The following COMMD1 variants were observed in gnomAD, a reference collection of about 807,000 sequenced individuals.
COMMD1 encodes copper metabolism domain containing 1.
In COMMD1, 10 loss-of-function variants were observed where a neutral mutation model predicts 17.2. The ratio of observed to expected loss-of-function variants is 0.58; its 90% CI spans 0.36 to 0.99. The LOEUF is 0.99. COMMD1 is among the 50% of genes least tolerant of loss of function. The pLI, the probability that COMMD1 is intolerant of heterozygous loss-of-function variation, is 0.01. For synonymous variants in COMMD1, 97 were observed against 91.6 expected (o/e 1.06, Z -0.34); for missense variants, 270 against 231.8 (o/e 1.17, Z -1.07).
upstream of COMMD1, among the ~76,000 whole-genome samples, chr2:61,904,005 A>G (rs1009940079): frequency 5.3e-5 from 8 of 152,060 alleles, no homozygotes; most frequent in African/African-American, 1.9e-4. Flanking sequence ...ACAATGTATT[A>G]TTATTATTAT....
At chr2:62,001,983 C>T (rs960780538) in intron 2 of COMMD1, among the ~76,000 whole-genome samples, 1 of 151,886 alleles carries the variant, frequency 6.6e-6, no homozygotes, top group Non-Finnish European at 1.5e-5. Flanking sequence ...ACCTGACCAA[C>T]AGAGACCAGA....
At chr2:61,950,592 A>G (rs1008392011) in intron 1 of COMMD1, among the ~76,000 whole-genome samples, 2 of 152,176 alleles carry the variant, frequency 1.3e-5, no homozygotes, top group Non-Finnish European at 1.5e-5. Context: ...TTTTCGCTTA[A>G]AGGAAGCACT....
At chr2:61,936,294 C>A (rs749840656) in intron 1 of COMMD1, among the ~76,000 whole-genome samples, 34 of 152,014 alleles carry the variant, frequency 2.2e-4, no homozygotes, top group Non-Finnish European at 3.7e-4. Context: ...CTTTATAATT[C>A]TTTCTATGGG....
At chr2:61,891,653 G>A (rs374003030) in intron 1 of COMMD1, among the ~76,000 whole-genome samples, 3 of 151,704 alleles carry the variant, frequency 2.0e-5, no homozygotes, top group African/African-American at 2.4e-5. Context: ...ACTTGAACTC[G>A]GGAGGCAGAG....
At chr2:62,093,864 G>T (rs1671915688) in intron 2 of COMMD1, among the ~76,000 whole-genome samples, 1 of 152,100 alleles carries the variant, frequency 6.6e-6, no homozygotes, top group Non-Finnish European at 1.5e-5. Context: ...AAGCATATTG[G>T]CTCTCAGTAA....
intron 1 of COMMD1, among the ~76,000 whole-genome samples, chr2:61,940,950 A>G (rs1670730455): frequency 6.6e-6 from 1 of 151,736 alleles, no homozygotes; most frequent in Admixed American, 6.6e-5. Flanking sequence ...GGCCTCCCAA[A>G]GTGCTGAGAT....
At chr2:62,019,072 TTCTC>T (rs1204962928) in intron 2 of COMMD1, among the ~76,000 whole-genome samples, 5 of 105,146 alleles carry the variant, frequency 4.8e-5, no homozygotes, top group East Asian at 3.5e-4. Context: ...CTCTCTCTCT[TTCTC>T]TCTCTCTTTC....
At chr2:62,044,731 T>TA (rs756780517) in intron 2 of COMMD1, among the ~76,000 whole-genome samples, 9 of 151,858 alleles carry the variant, frequency 5.9e-5, no homozygotes, top group Non-Finnish European at 1.2e-4. Flanking sequence ...AAAGTTACAT[T>TA]AATGGGATGC....
chr2:62,135,727 C>G lies in COMMD1; in HGVS notation c.463-104C>G, dbSNP rs990793500. On this transcript the variant is annotated intron_variant, in intron 2 of 2. Coordinates refer to ENST00000311832, the MANE Select transcript of COMMD1 (RefSeq NM_152516.4). ...TATCACTTCGATATTAAGGTCTGAG[C>G]TGGGCTTGCTGGATTGGGACCCTGG... is the stretch of plus-strand genomic sequence containing the variant. 4 of 742,686 alleles carry G rather than the reference C, an allele frequency of 5.4e-6. No homozygotes were observed. The African/African-American group carries it at 6.8e-5, about 13-fold the overall frequency. 46.0% of individuals were successfully genotyped at this position (742,686 alleles called of 1,614,324 possible).
chr2:61,968,844 C>T (rs1671571431), intron 1 of COMMD1: 1 of 195,110 alleles, frequency 5.1e-6, no homozygotes, highest in Admixed American at 5.2e-5. Context: ...AGGCATGAAC[C>T]ACCGTGCCTG....
intron 1 of COMMD1, among the ~76,000 whole-genome samples, chr2:61,998,747 T>G (rs189218660): frequency 1.3e-5 from 2 of 152,330 alleles, no homozygotes; most frequent in African/African-American, 4.8e-5. Flanking sequence ...TATGTGTGAC[T>G]TTTTCACTTG....
intron 2 of COMMD1, among the ~76,000 whole-genome samples, chr2:62,047,899 G>GTACA (rs1670423870): frequency 6.6e-6 from 1 of 152,090 alleles, no homozygotes; most frequent in Admixed American, 6.6e-5. Context: ...AAAGTGTTCA[G>GTACA]TACAGTAACA....
At chr2:61,919,468 A>G (rs1670131054) in intron 1 of COMMD1, among the ~76,000 whole-genome samples, 1 of 149,016 alleles carries the variant, frequency 6.7e-6, no homozygotes, top group Non-Finnish European at 1.5e-5. Context: ...GGCATGCACT[A>G]CTACACCTAA....
At chr2:61,927,729 T>G (rs949170128) in intron 1 of COMMD1, among the ~76,000 whole-genome samples, 15 of 151,940 alleles carry the variant, frequency 9.9e-5, no homozygotes, top group Non-Finnish European at 1.6e-4. Context: ...TAGCGTTGTC[T>G]GTTGAGACCT....
intron 2 of COMMD1, among the ~76,000 whole-genome samples, chr2:62,052,705 T>A (rs1185630517): frequency 1.3e-5 from 2 of 152,202 alleles, no homozygotes; most frequent in African/African-American, 2.4e-5. Context: ...AAGGGACAGC[T>A]AACTAGTGGT....
Position 62,000,878 on chromosome 2 carries a change from C to T in COMMD1, c.358C>T (p.Arg120Trp), listed in dbSNP as rs55677935. The T allele has an allele frequency of 0.018, 28,283 of 1,614,084 alleles. 288 individuals are homozygous for T. The highest frequency in any genetic ancestry group is 0.019 in the Non-Finnish European group (22,494 of 1,180,016). ...MNQSRWNSGL[R>W]GLSWRVDGKS... ...CCAGAGCCGCTGGAATAGCGGGCTT[C>T]GGGGCCTGAGCTGGAGAGTTGATGG... The change falls in exon 2 of 3, where the codon CGG becomes TGG. Residue 120 changes from arginine (R) to tryptophan (W), a missense_variant. Coordinates refer to ENST00000311832, the MANE Select transcript of COMMD1 (RefSeq NM_152516.4).
chr2:61,909,244 T>G (rs1334146720), intron 1 of COMMD1, among the ~76,000 whole-genome samples: 1 of 152,108 alleles, frequency 6.6e-6, no homozygotes, highest in Non-Finnish European at 1.5e-5. Flanking sequence ...ATTTTTACAC[T>G]GAAAGGTTTT....
intron 1 of COMMD1, among the ~76,000 whole-genome samples, chr2:61,975,007 A>T (rs918370457): frequency 1.3e-5 from 2 of 151,618 alleles, no homozygotes; most frequent in South Asian, 2.1e-4. Context: ...TTAGATTGTC[A>T]TCTAGGTGGA....
intron 1 of COMMD1, among the ~76,000 whole-genome samples, chr2:61,963,977 G>A (rs1671440007): frequency 6.6e-6 from 1 of 152,178 alleles, no homozygotes; most frequent in Non-Finnish European, 1.5e-5. Context: ...TGGGATGGTG[G>A]CTGGGCCAAG....
Sources: gnomAD v4.1 joint callset for allele counts (sites outside exome capture counted in the v4.1 genomes callset) on GRCh38, gnomAD v4.1.1 for gene constraint, MANE v1.5 for transcripts, NCBI Gene and HGNC (gene_info 2026-07-23, HGNC 2026-07-21) for gene names.